Variants in FOCAD observed in about 807,000 individuals in gnomAD.
The protein encoded by FOCAD is focadhesin, also known as KIAA1797.
FOCAD carries 198 observed loss-of-function variants against 225.6 expected under a neutral mutation model. That is an observed-to-expected ratio of 0.88 (90% CI 0.78 to 0.99). The LOEUF (loss-of-function observed/expected upper bound fraction) is 0.99, where lower values mean the gene tolerates loss of function less well. FOCAD is among the 50% of genes least tolerant of loss of function. The pLI is 0.00. For missense variants in FOCAD, 2,713 were observed against 2,123.6 expected, an observed-to-expected ratio of 1.28 and a Z score of -5.46; for synonymous variants, 897 against 755.0, an observed-to-expected ratio of 1.19 and a Z score of -3.08.
chr9:20,981,449 G>T lies in FOCAD; in HGVS notation c.4401G>T (p.Leu1467=), dbSNP rs1564238737. The T allele has an allele frequency of 2.5e-6, 4 of 1,614,142 alleles. No homozygotes were observed. The highest frequency in any genetic ancestry group is 3.4e-6 in the Non-Finnish European group (4 of 1,179,992). The change falls in exon 38 of 44, where the codon CTG becomes CTT. Residue 1467 remains leucine (L), a synonymous_variant. Transcript: ENST00000338382. ...SLSLNTKRYL[L]ISAPLWIKHI... is the part of the protein sequence containing the mutation. ...AGCTGAATACCAAGAGATATCTCCT[G>T]ATATCTGCACCTCTGTGGATAAAAC...
At chr9:20,946,219 G>C (rs1331825658) in intron 29 of FOCAD, among the ~76,000 whole-genome samples, 1 of 152,032 alleles carries the variant, frequency 6.6e-6, no homozygotes, top group East Asian at 1.9e-4. Flanking sequence ...TCCTGTTCCA[G>C]TTATGCTCCA....
chr9:20,803,686 C>T (rs1822084733), intron 11 of FOCAD, among the ~76,000 whole-genome samples: 1 of 152,082 alleles, frequency 6.6e-6, no homozygotes, highest in African/African-American at 2.4e-5. Flanking sequence ...GAGAGTATCT[C>T]ACCTGCATCA....
chr9:20,707,985 C>T (rs575807412), intron 1 of FOCAD, among the ~76,000 whole-genome samples: 18 of 152,066 alleles, frequency 1.2e-4, no homozygotes, highest in Admixed American at 6.6e-4. Flanking sequence ...AGATGAGAAG[C>T]TAAGCAGCAG....
chr9:20,758,841 A>G (rs938420293), intron 6 of FOCAD, among the ~76,000 whole-genome samples: 1 of 152,196 alleles, frequency 6.6e-6, no homozygotes, highest in African/African-American at 2.4e-5. Flanking sequence ...CTGTTTGCAG[A>G]TGACATGATT....
At chr9:20,746,747 T>G (rs1184714289) in intron 5 of FOCAD, among the ~76,000 whole-genome samples, 1 of 152,234 alleles carries the variant, frequency 6.6e-6, no homozygotes, top group Non-Finnish European at 1.5e-5. Flanking sequence ...ATTCCAGTTT[T>G]GTCTGTTGTC....
chr9:20,981,984 C>T (rs1291078250), intron 38 of FOCAD, among the ~76,000 whole-genome samples: 3 of 152,150 alleles, frequency 2.0e-5, no homozygotes, highest in African/African-American at 4.8e-5. Context: ...GAAGTCCTTA[C>T]GCTTTACACC....
intron 2 of FOCAD, among the ~76,000 whole-genome samples, chr9:20,663,162 G>A (rs149395233): frequency 6.6e-5 from 10 of 152,148 alleles, no homozygotes; most frequent in African/African-American, 2.4e-4. Context: ...TGAGGTGGGA[G>A]GATTGCTTAA....
At chr9:20,665,450 A>C (rs1821872611) in intron 2 of FOCAD, among the ~76,000 whole-genome samples, 1 of 152,182 alleles carries the variant, frequency 6.6e-6, no homozygotes, top group Non-Finnish European at 1.5e-5. Context: ...TTCTATAATA[A>C]AAAGATTAGT....
At chr9:20,834,881 A>G (rs768726821) in intron 15 of FOCAD, among the ~76,000 whole-genome samples, 2 of 152,124 alleles carry the variant, frequency 1.3e-5, no homozygotes, top group African/African-American at 2.4e-5. Flanking sequence ...ATTAGTATGA[A>G]AAAGTAAAAT....
At chr9:20,811,710 G>T (rs1260802413) in intron 11 of FOCAD, among the ~76,000 whole-genome samples, 5 of 151,852 alleles carry the variant, frequency 3.3e-5, no homozygotes, top group African/African-American at 1.2e-4. Flanking sequence ...TAGCACTTCT[G>T]TCAATAAACT....
intron 35 of FOCAD, among the ~76,000 whole-genome samples, chr9:20,959,404 G>A (rs904705306): frequency 6.6e-6 from 1 of 151,998 alleles, no homozygotes; most frequent in Non-Finnish European, 1.5e-5. Flanking sequence ...TTGCTGTTGA[G>A]ATGTTTGAGT....
rs79458067 is a variant in FOCAD, at chr9:20,869,087, A to T, written c.2190+2075A>T. Among the ~76,000 whole-genome samples, 349 of 152,250 alleles carry T rather than the reference A, an allele frequency of 2.3e-3. 8 individuals are homozygous for T. In the East Asian group the frequency reaches 0.045, roughly 19 times the overall value. ...GTGACACTATAAAACAGTGATGTGAAACTGCAGCTCATTTTTCTATAAAAA... is the reference window on the plus strand; with the variant it reads ...GTGACACTATAAAACAGTGATGTGATACTGCAGCTCATTTTTCTATAAAAA... On this transcript the variant is annotated intron_variant, in intron 18 of 43. Transcript: ENST00000338382.
intron 39 of FOCAD, among the ~76,000 whole-genome samples, chr9:20,984,985 G>C (rs1564244266): frequency 6.6e-6 from 1 of 152,100 alleles, no homozygotes; most frequent in Admixed American, 6.5e-5. Flanking sequence ...ATTTTTAGTA[G>C]AGACAGGGTT....
At chr9:20,894,077 C>G (rs1831864451) in intron 21 of FOCAD, among the ~76,000 whole-genome samples, 1 of 152,064 alleles carries the variant, frequency 6.6e-6, no homozygotes, top group African/African-American at 2.4e-5. Context: ...GATCTTTTTA[C>G]TGTCTCTATA....
intron 15 of FOCAD, among the ~76,000 whole-genome samples, chr9:20,823,471 A>G (rs181044085): frequency 1.3e-4 from 20 of 152,190 alleles, no homozygotes; most frequent in African/African-American, 4.6e-4. Context: ...AGGTGAGGTG[A>G]AGAAATTGTC....
intron 11 of FOCAD, among the ~76,000 whole-genome samples, chr9:20,818,637 T>C (rs1823992449): frequency 2.6e-5 from 4 of 152,146 alleles, no homozygotes; most frequent in Admixed American, 1.3e-4. Context: ...TCTTTCCTTA[T>C]TGTTTTTTTC....
intron 15 of FOCAD, among the ~76,000 whole-genome samples, chr9:20,823,450 G>C (rs1178277104): frequency 6.6e-6 from 1 of 152,062 alleles, no homozygotes; most frequent in East Asian, 1.9e-4. Flanking sequence ...TGATTAGAGA[G>C]CTTTAGAAAC....
At chr9:20,763,316 T>C (rs895578208) in intron 6 of FOCAD, among the ~76,000 whole-genome samples, 1 of 152,124 alleles carries the variant, frequency 6.6e-6, no homozygotes, top group African/African-American at 2.4e-5. Context: ...ATATTAAGTA[T>C]GTAATAATAA....
intron 15 of FOCAD, among the ~76,000 whole-genome samples, chr9:20,857,700 G>A (rs765580120): frequency 1.7e-4 from 25 of 149,712 alleles, no homozygotes; most frequent in Non-Finnish European, 3.0e-4. Flanking sequence ...TCCCCATTCA[G>A]TATTCTACTA....
Sources: gnomAD v4.1 joint callset for allele counts (sites outside exome capture counted in the v4.1 genomes callset) on GRCh38, gnomAD v4.1.1 for gene constraint, MANE v1.5 for transcripts, NCBI Gene and HGNC (gene_info 2026-07-23, HGNC 2026-07-21) for gene names.